ARID1A: variants seen among roughly 807,000 people sequenced by gnomAD.
The protein encoded by ARID1A is AT-rich interaction domain 1A.
Under a neutral mutation model 212.6 loss-of-function variants are expected in ARID1A, and 20 were observed. That is an observed-to-expected ratio of 0.09 (90% CI 0.07 to 0.14). The LOEUF (loss-of-function observed/expected upper bound fraction) is 0.14, where lower values mean the gene tolerates loss of function less well. Ranked by LOEUF, ARID1A falls within the 10% of genes least tolerant of loss-of-function variation. The pLI, the probability that ARID1A is intolerant of heterozygous loss-of-function variation, is 1.00. For missense variants in ARID1A, 2,587 were observed against 3,059.0 expected, an observed-to-expected ratio of 0.85 and a Z score of 3.64; for synonymous variants, 1,376 against 1,222.1, an observed-to-expected ratio of 1.13 and a Z score of -2.63.
chr1:26,773,085 A>G (rs1023606271), intron 14 of ARID1A, 98 bp downstream of exon 14: 2 of 1,466,190 alleles, frequency 1.4e-6, no homozygotes, highest in East Asian at 2.3e-5. Flanking sequence ...TTGTGGAGCC[A>G]TCCTCTGAGA....
chr1:26,752,482 C>T (rs1282385495), intron 4 of ARID1A, among the ~76,000 whole-genome samples: 2 of 152,238 alleles, frequency 1.3e-5, no homozygotes, highest in Non-Finnish European at 2.9e-5. Flanking sequence ...GTAGTCCCTT[C>T]TCCTCTGCTA....
At chr1:26,747,080 C>T (rs2080842829) in intron 4 of ARID1A, among the ~76,000 whole-genome samples, 1 of 152,080 alleles carries the variant, frequency 6.6e-6, no homozygotes, top group Non-Finnish European at 1.5e-5. Flanking sequence ...CAACACCATA[C>T]CTGATAAATC....
chr1:26,778,825 T>C (rs1401043263), intron 19 of ARID1A, 198 bp from the exon 20 acceptor site: 3 of 485,772 alleles, frequency 6.2e-6, no homozygotes, highest in Non-Finnish European at 7.1e-6. Flanking sequence ...TGAAGGTAGG[T>C]TGGGCAGAAG....
rs368766934 is a variant in ARID1A at position 26,763,049 on chromosome 1, A to G, written c.2496A>G (p.Ile832Met). 1.2e-6 allele frequency: 2 copies of G among 1,614,022 alleles called. No homozygotes were observed. The highest frequency in any genetic ancestry group is 1.7e-6 in the Non-Finnish European group (2 of 1,179,952). Residue 832 changes from isoleucine to methionine, a missense_variant, in exon 8 of 20, where the codon ATA becomes ATG. Physicochemically the swap from Ile to Met is conservative, Grantham distance 10 (BLOSUM62 1). Around this residue, in one of 11 missense-constraint regions of ARID1A, gnomAD observed 674 missense variants for 813.4 expected, o/e 0.83. Coordinates refer to ENST00000324856, the MANE Select transcript of ARID1A (RefSeq NM_006015.6). Reference protein sequence around the residue: ...NYPSAGMAGGINPMGAGGQMH... With the variant: ...NYPSAGMAGGMNPMGAGGQMH... ...CCAGTGCAGGCATGGCTGGAGGCAT[A>G]AACCCCATGGGTGCCGGAGGTCAAA...
At chr1:26,697,660 C>A in intron 1 of ARID1A, 120 bp downstream of exon 1, 1 of 977,492 alleles carries the variant, frequency 1.0e-6, no homozygotes, top group Non-Finnish European at 1.3e-6. Context: ...TGCTGGGGAG[C>A]TGCCATTGTC....
At chr1:26,745,415 C>T (rs1188270361) in intron 4 of ARID1A, among the ~76,000 whole-genome samples, 1 of 152,220 alleles carries the variant, frequency 6.6e-6, no homozygotes, top group African/African-American at 2.4e-5. Context: ...GATCTAATCT[C>T]ATGAGTCAGC....
At chr1:26,768,576 T>C (rs889636335) in intron 11 of ARID1A, among the ~76,000 whole-genome samples, 1 of 152,060 alleles carries the variant, frequency 6.6e-6, no homozygotes, top group African/African-American at 2.4e-5. Flanking sequence ...AGCTTCCCAG[T>C]AGAGATAGGA....
At chr1:26,760,064 G>T (rs1481904519) in intron 4 of ARID1A, among the ~76,000 whole-genome samples, 3 of 152,192 alleles carry the variant, frequency 2.0e-5, no homozygotes, top group African/African-American at 7.2e-5. Context: ...TCCCAAACTT[G>T]TTAACATTCT....
intron 1 of ARID1A, among the ~76,000 whole-genome samples, chr1:26,700,687 G>A (rs755003825): frequency 6.6e-6 from 1 of 152,188 alleles, no homozygotes; most frequent in Non-Finnish European, 1.5e-5. Context: ...TTCTACTACG[G>A]AAACATCAAA....
rs1487805680 is a variant in ARID1A at position 26,775,134 on chromosome 1, G to A, written c.4907G>A (p.Arg1636Gln). 3 of 1,613,868 alleles carry A rather than the reference G, an allele frequency of 1.9e-6. No individual in the cohort carries two copies. The highest frequency in any genetic ancestry group is 2.5e-6 in the Non-Finnish European group (3 of 1,179,978). ...GCCCCTGTGCAGCCCCCCATGATTC[G>A]GCGGGATATCACCTTCCCACCTGGC... Reference protein sequence around the residue: ...APAPVQPPMIRRDITFPPGSV... With the variant: ...APAPVQPPMIQRDITFPPGSV... Residue 1636 changes from arginine (R) to glutamine (Q), a missense_variant, in exon 18 of 20, where the codon CGG becomes CAG. Around this residue, in one of 11 missense-constraint regions of ARID1A, gnomAD observed 890 missense variants for 1,098.2 expected, o/e 0.81. Transcript: ENST00000324856.
chr1:26,719,378 C>G (rs1010009225), intron 1 of ARID1A, among the ~76,000 whole-genome samples: 1 of 152,182 alleles, frequency 6.6e-6, no homozygotes, highest in Non-Finnish European at 1.5e-5. Context: ...AGGTGCATTT[C>G]TAGCTTTTCT....
chr1:26,726,361 A>G (rs971377381), intron 1 of ARID1A, among the ~76,000 whole-genome samples: 3 of 151,340 alleles, frequency 2.0e-5, no homozygotes, highest in African/African-American at 7.3e-5. Context: ...TTTAGTAGAG[A>G]TGAGGTTTTG....
At chr1:26,775,971 T>A (rs1021708186) in intron 19 of ARID1A, 1 of 590,772 alleles carries the variant, frequency 1.7e-6, no homozygotes, top group Admixed American at 2.2e-5. Context: ...GAATTCAGAT[T>A]CAATCGATGC....
chr1:26,765,023 C>T (rs921108322), intron 8 of ARID1A: 3 of 151,190 alleles, frequency 2.0e-5, no homozygotes, highest in Non-Finnish European at 4.4e-5. Context: ...ATGGCAAAAC[C>T]CCATCTCTAC....
At chr1:26,713,202 T>G (rs1043211776) in intron 1 of ARID1A, among the ~76,000 whole-genome samples, 1 of 152,188 alleles carries the variant, frequency 6.6e-6, no homozygotes, top group African/African-American at 2.4e-5. Context: ...GTTCTTGGCT[T>G]TTTCTTTTTT....
chr1:26,735,707 C>G (rs1204066410), intron 4 of ARID1A, among the ~76,000 whole-genome samples: 1 of 152,188 alleles, frequency 6.6e-6, no homozygotes, highest in African/African-American at 2.4e-5. Context: ...CAAGAATGTG[C>G]ATTTCTAACA....
chr1:26,767,676 T>C (rs1024018377), intron 10 of ARID1A, 114 bp from the exon 11 acceptor site: 2 of 1,105,788 alleles, frequency 1.8e-6, no homozygotes, highest in Non-Finnish European at 2.5e-6. Flanking sequence ...CAGGTGTTAG[T>C]AACCACCCCA....
At chr1:26,714,471 T>C (rs925157593) in intron 1 of ARID1A, among the ~76,000 whole-genome samples, 1 of 152,102 alleles carries the variant, frequency 6.6e-6, no homozygotes, top group Non-Finnish European at 1.5e-5. Context: ...TGGAGTGTAG[T>C]GGCGCAATCT....
intron 1 of ARID1A, among the ~76,000 whole-genome samples, chr1:26,707,030 T>C (rs1010459359): frequency 6.6e-6 from 1 of 151,164 alleles, no homozygotes; most frequent in Non-Finnish European, 1.5e-5. Flanking sequence ...ACCAGGATCC[T>C]GACTTTTTTT....
Sources: allele counts gnomAD v4.1 joint callset (sites outside exome capture counted in the v4.1 genomes callset), GRCh38; gene constraint gnomAD v4.1.1; regional missense constraint gnomAD v4.1.1; transcripts MANE v1.5; gene names NCBI Gene and HGNC (gene_info 2026-07-23, HGNC 2026-07-21).